Variants in PTPRD observed in about 807,000 individuals in gnomAD.
The protein encoded by PTPRD is receptor-type tyrosine-protein phosphatase delta.
Under a neutral mutation model 214.5 loss-of-function variants are expected in PTPRD, and 34 were observed. The ratio of observed to expected loss-of-function variants is 0.16; its 90% CI spans 0.12 to 0.21. The LOEUF is 0.21. Among genes scored for constraint, PTPRD ranks in the 10% least tolerant of loss-of-function variants. The pLI is 1.00. For synonymous variants in PTPRD, 1,128 were observed against 845.7 expected, an observed-to-expected ratio of 1.33 and a Z score of -5.79; for missense variants, 2,545 against 2,398.7, an observed-to-expected ratio of 1.06 and a Z score of -1.27.
chr9:9,512,637 T>A (rs2096737341), intron 8 of PTPRD, among the ~76,000 whole-genome samples: 1 of 151,850 alleles, frequency 6.6e-6, no homozygotes, highest in Non-Finnish European at 1.5e-5. Context: ...TGGCATCTTG[T>A]ATTCACAGGA....
intron 3 of PTPRD, among the ~76,000 whole-genome samples, chr9:10,157,231 G>A (rs73394294): frequency 6.6e-6 from 1 of 152,242 alleles, no homozygotes; most frequent in African/African-American, 2.4e-5. Flanking sequence ...ATAGTCAGTG[G>A]TTTGTGTACT....
intron 31 of PTPRD, among the ~76,000 whole-genome samples, chr9:8,468,059 T>C (rs190125799): frequency 2.0e-5 from 3 of 152,130 alleles, no homozygotes; most frequent in East Asian, 1.9e-4. Context: ...ATCCATATCA[T>C]TGTCATTCCC....
At chr9:8,870,724 A>ACG in intron 11 of PTPRD, among the ~76,000 whole-genome samples, 1 of 151,100 alleles carries the variant, frequency 6.6e-6, no homozygotes, top group South Asian at 2.1e-4. Flanking sequence ...ACACACACAC[A>ACG]CACACGGGAG....
intron 2 of PTPRD, among the ~76,000 whole-genome samples, chr9:10,426,194 C>G (rs564864263): frequency 1.3e-5 from 2 of 152,072 alleles, no homozygotes; most frequent in South Asian, 4.1e-4. Flanking sequence ...TTCCTAAAAT[C>G]AGCAACTCTT....
chr9:8,821,777 G>A (rs1337599422), intron 11 of PTPRD, among the ~76,000 whole-genome samples: 2 of 152,160 alleles, frequency 1.3e-5, no homozygotes, highest in Non-Finnish European at 2.9e-5. Context: ...GCAATTCTCT[G>A]CCTCAGCCTC....
intron 7 of PTPRD, among the ~76,000 whole-genome samples, chr9:9,653,078 C>T (rs2096407824): frequency 6.7e-6 from 1 of 148,692 alleles, no homozygotes; most frequent in East Asian, 2.0e-4. Flanking sequence ...CGCGGTGGCT[C>T]ACGCCTGTAA....
chr9:9,273,885 C>T (rs1943935512), intron 9 of PTPRD, among the ~76,000 whole-genome samples: 1 of 151,278 alleles, frequency 6.6e-6, no homozygotes, highest in Non-Finnish European at 1.5e-5. Context: ...TTCGCCAAAC[C>T]TTCCAGAGGT....
chr9:9,262,058 G>A (rs1336677565), intron 9 of PTPRD, among the ~76,000 whole-genome samples: 1 of 151,618 alleles, frequency 6.6e-6, no homozygotes, highest in African/African-American at 2.4e-5. Flanking sequence ...TTTATATGAG[G>A]AAAAGGAATA....
At chr9:10,127,464 A>G (rs748248828) in intron 3 of PTPRD, among the ~76,000 whole-genome samples, 1 of 152,206 alleles carries the variant, frequency 6.6e-6, no homozygotes, top group Non-Finnish European at 1.5e-5. Context: ...AGACAGACAT[A>G]TAATAAAGAA....
chr9:8,755,240 AAC>A (rs1187192410), intron 11 of PTPRD, among the ~76,000 whole-genome samples: 2,868 of 151,304 alleles, frequency 0.019, 50 homozygotes, highest in African/African-American at 0.043. Context: ...AAACAAAAAA[AAC>A]AAACAGGCCA....
Position 9,457,563 on chromosome 9 carries a change from G to A in PTPRD, c.-236-60081C>T, listed in dbSNP as rs16924719. Among the ~76,000 whole-genome samples, 1,457 of 152,046 alleles carry A rather than the reference G, an allele frequency of 9.6e-3. 29 individuals are homozygous for A. The highest frequency in any genetic ancestry group is 0.034 in the African/African-American group (1,408 of 41,528). ...GGCATGATGTATTATACTTTATTCT[G>A]GGGAAGATTTTATGGGGCTCCATTT... is the stretch of plus-strand genomic sequence containing the variant. On this transcript the variant is annotated intron_variant, in intron 8 of 45. Transcript: ENST00000381196.
intron 7 of PTPRD, among the ~76,000 whole-genome samples, chr9:9,633,307 A>G (rs890436076): frequency 3.3e-5 from 5 of 149,836 alleles, no homozygotes; most frequent in East Asian, 2.0e-4. Context: ...ATCTCAGGGA[A>G]AAAAAAAAAG....
chr9:10,043,569 T>G (rs1222193285), intron 3 of PTPRD, among the ~76,000 whole-genome samples: 3 of 151,860 alleles, frequency 2.0e-5, no homozygotes, highest in African/African-American at 7.2e-5. Context: ...TAAAATTTTG[T>G]GTGAGGTGCA....
At position 10,062,194 on chromosome 9, in the gene PTPRD, T is replaced by A. The variant is rs73641836; in HGVS notation, c.-544-28404A>T. The stretch of plus-strand genomic sequence containing the variant: ...TCAAATAACTACATATATCTAGGCA[T>A]TAAAAGATGCTGAAATAAATTTACA... On this transcript the variant is annotated intron_variant, in intron 3 of 45. Coordinates refer to ENST00000381196, the MANE Select transcript of PTPRD (RefSeq NM_002839.4). Among the ~76,000 whole-genome samples the A allele has an allele frequency of 9.8e-3, 1,486 of 152,180 alleles. 18 individuals are homozygous for A. Among genetic ancestry groups the A allele is most frequent in the African/African-American group, 0.033 (1,386 of 41,528 alleles).
chr9:10,506,819 T>A (rs1008270787), intron 2 of PTPRD, among the ~76,000 whole-genome samples: 1 of 152,076 alleles, frequency 6.6e-6, no homozygotes, highest in Non-Finnish European at 1.5e-5. Context: ...TGGGTTTGCG[T>A]GATATTTCCT....
intron 9 of PTPRD, among the ~76,000 whole-genome samples, chr9:9,292,097 G>A (rs567931893): frequency 1.8e-4 from 27 of 151,364 alleles, no homozygotes; most frequent in African/African-American, 5.8e-4. Context: ...TTATCTATGA[G>A]ACGAGGGCCT....
At chr9:10,406,970 T>C (rs1009588937) in intron 2 of PTPRD, among the ~76,000 whole-genome samples, 1 of 151,556 alleles carries the variant, frequency 6.6e-6, no homozygotes, top group Non-Finnish European at 1.5e-5. Context: ...TTACAATAAA[T>C]GGGCAATGTT....
chr9:10,186,158 A>G (rs370472880), intron 3 of PTPRD, among the ~76,000 whole-genome samples: 1 of 152,072 alleles, frequency 6.6e-6, no homozygotes, highest in Admixed American at 6.5e-5. Flanking sequence ...TACAATCCAG[A>G]CTATTGGATC....
intron 5 of PTPRD, among the ~76,000 whole-genome samples, chr9:9,819,009 G>A (rs986339192): frequency 3.3e-5 from 5 of 149,732 alleles, no homozygotes; most frequent in Non-Finnish European, 5.9e-5. Flanking sequence ...TCATTTAAAT[G>A]TAAAGCACTT....
Sources: allele counts gnomAD v4.1 joint callset (sites outside exome capture counted in the v4.1 genomes callset), GRCh38; gene constraint gnomAD v4.1.1; transcripts MANE v1.5; gene names NCBI Gene and HGNC (gene_info 2026-07-23, HGNC 2026-07-21).